Variants in DARS1 observed in about 807,000 individuals in gnomAD.
DARS1 encodes the protein aspartate--tRNA ligase, cytoplasmic.
Under a neutral mutation model 68.8 loss-of-function variants are expected in DARS1, and 51 were observed. The ratio of observed to expected loss-of-function variants is 0.74; its 90% CI spans 0.59 to 0.94. The LOEUF is 0.94. Among genes scored for constraint, DARS1 ranks in the 40% least tolerant of loss-of-function variants. The pLI is 0.00. For missense variants in DARS1, 607 were observed against 597.3 expected (o/e 1.02, Z -0.17); for synonymous variants, 203 against 190.4 (o/e 1.07, Z -0.55).
chr2:135,977,000 G>A (rs1435288190), intron 3 of DARS1, among the ~76,000 whole-genome samples: 3 of 151,966 alleles, frequency 2.0e-5, no homozygotes, highest in Admixed American at 1.3e-4. Context: ...TCTATTATTC[G>A]GTAGGGTTCT....
In DARS1 at chr2:135,943,365, T is replaced by C. The variant is rs752564855; in HGVS notation, c.423+13A>G. On this transcript the variant is annotated intron_variant, in intron 5 of 15. Transcript: ENST00000264161. Reference sequence around the variant, plus strand: ...TATTTCTATATGCGATTTTATATTTTGAAAAAACTTACCTTCTGAACATGT... The same window carrying C: ...TATTTCTATATGCGATTTTATATTTCGAAAAAACTTACCTTCTGAACATGT... The C allele has an allele frequency of 1.2e-6, 2 of 1,603,506 alleles. No homozygotes were observed. The highest frequency in any genetic ancestry group is 2.2e-5 in the South Asian group (2 of 89,366).
chr2:135,925,064 T>C (rs928922325), intron 7 of DARS1, among the ~76,000 whole-genome samples: 3 of 152,060 alleles, frequency 2.0e-5, no homozygotes, highest in African/African-American at 7.2e-5. Context: ...CATAAAACAA[T>C]AGTAGCGCTC....
chr2:135,957,154 T>C (rs1681993218), intron 4 of DARS1, among the ~76,000 whole-genome samples: 3 of 152,082 alleles, frequency 2.0e-5, no homozygotes, highest in African/African-American at 7.2e-5. Context: ...AGCCTGGATC[T>C]CCTGGGCTCA....
intron 4 of DARS1, among the ~76,000 whole-genome samples, chr2:135,958,065 A>G (rs1285663742): frequency 6.6e-6 from 1 of 152,172 alleles, no homozygotes; most frequent in Non-Finnish European, 1.5e-5. Flanking sequence ...GTTACCTAAA[A>G]CATTAACTTT....
intron 3 of DARS1, among the ~76,000 whole-genome samples, chr2:135,962,606 A>C (rs309140): frequency 0.023 from 3,474 of 152,312 alleles, 111 homozygotes; most frequent in African/African-American, 0.079. Context: ...GTTGCAAACA[A>C]AGTGTCAACA....
At chr2:135,950,857 T>C (rs1476986870) in intron 4 of DARS1, among the ~76,000 whole-genome samples, 1 of 152,054 alleles carries the variant, frequency 6.6e-6, no homozygotes, top group African/African-American at 2.4e-5. Flanking sequence ...TCAGGAGTCT[T>C]TGGGACAGGG....
chr2:135,967,696 A>G (rs190772300), intron 3 of DARS1, among the ~76,000 whole-genome samples: 1 of 152,270 alleles, frequency 6.6e-6, no homozygotes, highest in African/African-American at 2.4e-5. Context: ...TTTGCATTAT[A>G]GGATTCTAAA....
At position 135,925,731 on chromosome 2, in the gene DARS1, GA is replaced by G. The variant is rs538034054; in HGVS notation, c.565-1234del. ...TGTCTACATTTAAACTATAGAAAAAGACTTGCATTTTTTTCACATTATGTGG... is the reference window on the plus strand; with the variant it reads ...TGTCTACATTTAAACTATAGAAAAAGCTTGCATTTTTTTCACATTATGTGG... On this transcript the variant is annotated intron_variant, in intron 7 of 15. Coordinates refer to ENST00000264161, the MANE Select transcript of DARS1 (RefSeq NM_001349.4). Among the ~76,000 whole-genome samples the G allele has an allele frequency of 3.7e-4, 57 of 152,238 alleles. No homozygotes were observed. In the East Asian group the frequency reaches 0.011, roughly 29 times the overall value.
chr2:135,966,846 T>C (rs995810334), intron 3 of DARS1, among the ~76,000 whole-genome samples: 2 of 152,222 alleles, frequency 1.3e-5, no homozygotes, highest in Admixed American at 1.3e-4. Context: ...AAATTTAAAT[T>C]CTTAACACTT....
intron 2 of DARS1, among the ~76,000 whole-genome samples, chr2:135,980,912 T>C (rs1371672561): frequency 2.6e-5 from 4 of 152,222 alleles, no homozygotes; most frequent in African/African-American, 7.2e-5. Flanking sequence ...CAACCTTTAA[T>C]ACACCCGAAC....
intron 4 of DARS1, among the ~76,000 whole-genome samples, chr2:135,953,066 TA>T (rs1244242404): frequency 6.6e-6 from 1 of 152,248 alleles, no homozygotes; most frequent in Non-Finnish European, 1.5e-5. Flanking sequence ...ATTTTCTCCA[TA>T]AACACTGTGG....
intron 4 of DARS1, among the ~76,000 whole-genome samples, chr2:135,953,521 T>C (rs1681894755): frequency 6.6e-6 from 1 of 152,188 alleles, no homozygotes; most frequent in Non-Finnish European, 1.5e-5. Flanking sequence ...ATGGCAGTGC[T>C]GATAAGAAAA....
chr2:135,932,604 C>A (rs1681375510), intron 7 of DARS1, among the ~76,000 whole-genome samples, 179 bp downstream of exon 7: 1 of 152,116 alleles, frequency 6.6e-6, no homozygotes, highest in Non-Finnish European at 1.5e-5. Context: ...TTAACCGCTC[C>A]TGTTGCCTGC....
At chr2:135,982,322 C>A (rs896078733) in intron 2 of DARS1, among the ~76,000 whole-genome samples, 1 of 151,968 alleles carries the variant, frequency 6.6e-6, no homozygotes, top group South Asian at 2.1e-4. Context: ...AGGCCGGGTG[C>A]GGTGGCTCAC....
chr2:135,915,420 G>A (rs959356171), intron 11 of DARS1, among the ~76,000 whole-genome samples: 5 of 152,160 alleles, frequency 3.3e-5, no homozygotes, highest in African/African-American at 1.2e-4. Context: ...TGGAGTAGTT[G>A]GGACTACAGG....
At position 135,923,043 on chromosome 2, in the gene DARS1, T is replaced by C. The variant is rs991484333; in HGVS notation, c.677-125A>G. ...ACAAAAACTGGAAAATGAAGAATTG[T>C]GGCTAAATCACAGTCTATATACATC... is the stretch of plus-strand genomic sequence containing the variant. On this transcript the variant is annotated intron_variant, in intron 8 of 15. Coordinates refer to ENST00000264161, the MANE Select transcript of DARS1 (RefSeq NM_001349.4). 15 of 1,148,270 alleles carry C rather than the reference T, an allele frequency of 1.3e-5. No homozygotes were observed. In the African/African-American group the frequency reaches 2.4e-4, roughly 18 times the overall value. 71.1% of individuals were successfully genotyped at this position (1,148,270 alleles called of 1,614,324 possible).
rs564672660 is a variant in DARS1, at chr2:135,935,214, C to T, written c.424-1224G>A. On this transcript the variant is annotated intron_variant, in intron 5 of 15. Transcript: ENST00000264161. ...TCCTTTCAAGTACCCCTTCATTGCT[C>T]TCTCTCATTAAACATGTTACAAACA... Among the ~76,000 whole-genome samples the T allele has an allele frequency of 4.0e-5, 6 of 151,830 alleles. 1 individual carries two copies. In the South Asian group the frequency reaches 1.2e-3, roughly 31 times the overall value.
At chr2:135,936,045 A>G (rs900471809) in intron 5 of DARS1, among the ~76,000 whole-genome samples, 1 of 152,224 alleles carries the variant, frequency 6.6e-6, no homozygotes, top group Non-Finnish European at 1.5e-5. Flanking sequence ...TTCTACTTTT[A>G]TAACTAGTGG....
chr2:135,961,598 A>G, intron 3 of DARS1, 100 bp from the exon 4 acceptor site: 1 of 744,936 alleles, frequency 1.3e-6, no homozygotes, highest in East Asian at 2.7e-5. Flanking sequence ...GCCAAAATTT[A>G]CTATACTCAT....
Sources: gnomAD v4.1 joint callset for allele counts (sites outside exome capture counted in the v4.1 genomes callset) on GRCh38, gnomAD v4.1.1 for gene constraint, MANE v1.5 for transcripts, NCBI Gene and HGNC (gene_info 2026-07-23, HGNC 2026-07-21) for gene names.